PCSK5: variants seen among roughly 807,000 people sequenced by gnomAD.
The protein encoded by PCSK5 is proprotein convertase subtilisin/kexin type 5.
A neutral mutation model predicts 233.2 loss-of-function variants in PCSK5; 129 were observed. The ratio of observed to expected loss-of-function variants is 0.55; its 90% CI spans 0.48 to 0.64. PCSK5 has a LOEUF of 0.64. PCSK5 is among the 30% of genes least tolerant of loss of function. The pLI, the probability that PCSK5 is intolerant of heterozygous loss-of-function variation, is 0.00. For missense variants in PCSK5, 2,076 were observed against 2,430.1 expected (o/e 0.85, Z 3.06); for synonymous variants, 825 against 879.2 (o/e 0.94, Z 1.09).
At chr9:76,027,252 C>T (rs1828466731) in intron 5 of PCSK5, among the ~76,000 whole-genome samples, 1 of 152,228 alleles carries the variant, frequency 6.6e-6, no homozygotes, top group East Asian at 1.9e-4. Context: ...TGGGGAATGG[C>T]TCAGCATTTC....
intron 3 of PCSK5, among the ~76,000 whole-genome samples, chr9:75,995,488 G>T (rs1826973124): frequency 6.6e-6 from 1 of 152,144 alleles, no homozygotes; most frequent in South Asian, 2.1e-4. Flanking sequence ...AGTGTTTTAT[G>T]ATTTTTTGGT....
At chr9:76,092,024 C>A (rs555742575) in intron 7 of PCSK5, among the ~76,000 whole-genome samples, 1 of 152,246 alleles carries the variant, frequency 6.6e-6, no homozygotes, top group South Asian at 2.1e-4. Context: ...AATGCCATTG[C>A]TCCTTCTTAG....
At chr9:76,021,122 G>C (rs905512647) in intron 3 of PCSK5, among the ~76,000 whole-genome samples, 1 of 152,152 alleles carries the variant, frequency 6.6e-6, no homozygotes, top group African/African-American at 2.4e-5. Flanking sequence ...ACACATAGTG[G>C]AAATAAAGTT....
chr9:76,233,410 C>T, intron 21 of PCSK5, 50 bp from the exon 22 acceptor site: 1 of 1,592,850 alleles, frequency 6.3e-7, no homozygotes, highest in Non-Finnish European at 8.6e-7. Flanking sequence ...TACTTAGGGC[C>T]ACTCTGGAAA....
intron 8 of PCSK5, 36 bp downstream of exon 8, chr9:76,096,138 A>C (rs1220252732): frequency 7.4e-7 from 1 of 1,356,264 alleles, no homozygotes; most frequent in Admixed American, 1.7e-5. Context: ...TGATCTGTTT[A>C]TTTAATGTTC....
intron 1 of PCSK5, among the ~76,000 whole-genome samples, chr9:75,925,037 A>G (rs1175123604): frequency 6.6e-6 from 1 of 152,200 alleles, no homozygotes; most frequent in Non-Finnish European, 1.5e-5. Context: ...AGTTCATCAG[A>G]TTGCTGCATT....
intron 10 of PCSK5, among the ~76,000 whole-genome samples, chr9:76,139,764 G>T (rs1823131240): frequency 6.7e-6 from 1 of 149,882 alleles, no homozygotes; most frequent in Admixed American, 6.6e-5. Context: ...TTATCTTCTA[G>T]CTCATTTACA....
intron 1 of PCSK5, among the ~76,000 whole-genome samples, chr9:75,905,384 A>ATGG (rs1826218628): frequency 6.6e-6 from 1 of 152,208 alleles, no homozygotes; most frequent in Non-Finnish European, 1.5e-5. Flanking sequence ...TTAGCAGGGC[A>ATGG]TGGTAGCCTG....
At chr9:76,095,780 A>G in intron 7 of PCSK5, 110 bp from the exon 8 acceptor site, 1 of 901,176 alleles carries the variant, frequency 1.1e-6, no homozygotes. Flanking sequence ...CCAGCATATT[A>G]AGATAGCAAC....
At chr9:76,129,667 C>T (rs1267471622) in intron 9 of PCSK5, among the ~76,000 whole-genome samples, 2 of 152,160 alleles carry the variant, frequency 1.3e-5, no homozygotes, top group Admixed American at 6.5e-5. Flanking sequence ...ATTTCTAGCA[C>T]TCACACATGA....
At position 76,122,082 on chromosome 9, in the gene PCSK5, C is replaced by G. The variant is rs1336216853; in HGVS notation, c.1209-12027C>G. On this transcript the variant is annotated intron_variant, in intron 9 of 37. Coordinates refer to ENST00000674117, the MANE Select transcript of PCSK5 (RefSeq NM_001372043.1). Reference sequence around the variant, plus strand: ...TCGTGATCCGCCCGCCTCGGCCTCCCAAAGTGCTGGGATTACAGGCGTGAG... The same window carrying G: ...TCGTGATCCGCCCGCCTCGGCCTCCGAAAGTGCTGGGATTACAGGCGTGAG... 1.6e-4 allele frequency among the ~76,000 whole-genome samples: 7 copies of G among 43,768 alleles called. 2 individuals carry two copies. Among genetic ancestry groups the G allele is most frequent in the Non-Finnish European group, 4.3e-4 (7 of 16,390 alleles). 28.7% of individuals were successfully genotyped at this position (43,768 alleles called of 152,430 possible). A position where few individuals can be genotyped will look rare whatever the true frequency, so the allele number is the denominator to read the frequency against.
At chr9:76,108,336 T>C (rs974751535) in intron 9 of PCSK5, among the ~76,000 whole-genome samples, 3 of 152,208 alleles carry the variant, frequency 2.0e-5, no homozygotes, top group African/African-American at 4.8e-5. Context: ...TTTCTAAAAA[T>C]AGCCCTGCAC....
intron 1 of PCSK5, among the ~76,000 whole-genome samples, chr9:75,928,884 A>G (rs933612285): frequency 1.3e-5 from 2 of 151,834 alleles, no homozygotes; most frequent in Non-Finnish European, 2.9e-5. Flanking sequence ...TTTGAGCTGT[A>G]TGTAGCTCTA....
intron 24 of PCSK5, among the ~76,000 whole-genome samples, chr9:76,291,459 C>T (rs546164809): frequency 6.6e-4 from 100 of 152,314 alleles, no homozygotes; most frequent in Middle Eastern, 3.4e-3. Context: ...GGTTAGATCA[C>T]AGAAAGAACC....
chr9:76,242,345 T>C (rs979868335), intron 24 of PCSK5, among the ~76,000 whole-genome samples: 1 of 152,152 alleles, frequency 6.6e-6, no homozygotes, highest in Non-Finnish European at 1.5e-5. Context: ...AAAAGATACA[T>C]TTTCTATAAT....
intron 3 of PCSK5, among the ~76,000 whole-genome samples, chr9:75,995,786 C>T (rs1041936730): frequency 6.6e-6 from 1 of 151,740 alleles, no homozygotes; most frequent in Non-Finnish European, 1.5e-5. Context: ...CACACACTCA[C>T]ACCTCTCTGA....
At chr9:76,124,796 C>A (rs1460856697) in intron 9 of PCSK5, among the ~76,000 whole-genome samples, 1 of 150,230 alleles carries the variant, frequency 6.7e-6, no homozygotes, top group Non-Finnish European at 1.5e-5. Flanking sequence ...ATTTGTATTC[C>A]ACATCAACTC....
chr9:76,096,131 T>G, intron 8 of PCSK5, 29 bp downstream of exon 8: 1 of 1,486,878 alleles, frequency 6.7e-7, no homozygotes, highest in Non-Finnish European at 9.4e-7. Flanking sequence ...CCCATCATGA[T>G]CTGTTTATTT....
At chr9:76,058,241 C>G (rs554918218) in intron 5 of PCSK5, among the ~76,000 whole-genome samples, 90 of 152,244 alleles carry the variant, frequency 5.9e-4, no homozygotes, top group African/African-American at 2.1e-3. Flanking sequence ...CAGGTACATG[C>G]ATTTTCGAGA....
Sources: gnomAD v4.1 joint callset for allele counts (sites outside exome capture counted in the v4.1 genomes callset) on GRCh38, gnomAD v4.1.1 for gene constraint, MANE v1.5 for transcripts, NCBI Gene and HGNC (gene_info 2026-07-23, HGNC 2026-07-21) for gene names.